The following MVB12B variants were observed in gnomAD, a reference collection of about 807,000 sequenced individuals.
The protein encoded by MVB12B is ESCRT-I complex subunit MVB12B.
MVB12B carries 16 observed loss-of-function variants against 41.6 expected under a neutral mutation model. The observed-to-expected ratio is 0.38, with a 90% CI of 0.26 to 0.58. The LOEUF is 0.58. Among genes scored for constraint, MVB12B ranks in the 20% least tolerant of loss-of-function variants. The pLI, the probability that MVB12B is intolerant of heterozygous loss-of-function variation, is 0.62. For missense variants in MVB12B, 274 were observed against 380.2 expected, an observed-to-expected ratio of 0.72 and a Z score of 2.32; for synonymous variants, 133 against 139.7, an observed-to-expected ratio of 0.95 and a Z score of 0.34.
chr9:126,439,762 T>C (rs1832584854), intron 7 of MVB12B, among the ~76,000 whole-genome samples: 1 of 152,208 alleles, frequency 6.6e-6, no homozygotes, highest in East Asian at 1.9e-4. Flanking sequence ...ATTAAAAATA[T>C]TTGTTCTAAT....
chr9:126,474,118 G>A (rs895414386), intron 7 of MVB12B, among the ~76,000 whole-genome samples: 3 of 152,198 alleles, frequency 2.0e-5, no homozygotes, highest in Non-Finnish European at 2.9e-5. Context: ...GTCAGGCAGC[G>A]TGGGGGGATG....
intron 7 of MVB12B, among the ~76,000 whole-genome samples, chr9:126,432,364 A>G (rs997721958): frequency 1.3e-5 from 2 of 152,218 alleles, no homozygotes; most frequent in Non-Finnish European, 2.9e-5. Flanking sequence ...GTGTGACCAG[A>G]CACTCCTGCC....
chr9:126,437,858 G>A (rs1268165894), intron 7 of MVB12B, among the ~76,000 whole-genome samples: 1 of 152,064 alleles, frequency 6.6e-6, no homozygotes, highest in Non-Finnish European at 1.5e-5. Flanking sequence ...TTTTTGTGAT[G>A]GAGTTTGGAG....
intron 1 of MVB12B, among the ~76,000 whole-genome samples, chr9:126,337,219 C>A (rs1160709461): frequency 6.6e-6 from 1 of 152,172 alleles, no homozygotes; most frequent in Non-Finnish European, 1.5e-5. Flanking sequence ...TGGAGCCCCT[C>A]TGAGCTGTCG....
chr9:126,396,375 T>C (rs918808004), intron 6 of MVB12B: 17 of 985,372 alleles, frequency 1.7e-5, no homozygotes, highest in Non-Finnish European at 1.8e-5. Flanking sequence ...CAAACAGCAC[T>C]GATGGATTAA....
intron 7 of MVB12B, among the ~76,000 whole-genome samples, chr9:126,475,601 T>C (rs1833404220): frequency 6.6e-6 from 1 of 152,222 alleles, no homozygotes; most frequent in Non-Finnish European, 1.5e-5. Flanking sequence ...TGCTTCTCTT[T>C]GGAGCCTCCC....
intron 6 of MVB12B, among the ~76,000 whole-genome samples, chr9:126,403,590 A>C (rs1234470378): frequency 6.6e-6 from 1 of 152,210 alleles, no homozygotes; most frequent in African/African-American, 2.4e-5. Context: ...TTTCTCCTTT[A>C]AAGCCTCAAA....
At chr9:126,360,309 A>C (rs1336923143) in intron 2 of MVB12B, among the ~76,000 whole-genome samples, 1 of 152,204 alleles carries the variant, frequency 6.6e-6, no homozygotes, top group African/African-American at 2.4e-5. Flanking sequence ...TGAGTCAGCA[A>C]ACTTTTCTGT....
Position 126,481,347 on chromosome 9 carries a change from CTTTT to C in MVB12B, c.758-16_758-13del, listed in dbSNP as rs755046090. ...CCATCTTCAATACCTTTAATGCCAT[CTTTT>C]TTTTTCTTCTTTTGCAGCAATGGAT... On this transcript the variant is annotated intron_variant, in intron 7 of 9. Coordinates refer to ENST00000361171, the MANE Select transcript of MVB12B (RefSeq NM_033446.3). The C allele has an allele frequency of 6.3e-7, 1 of 1,586,604 alleles. No homozygotes were observed. Among genetic ancestry groups the C allele is most frequent in the Non-Finnish European group, 8.6e-7 (1 of 1,158,042 alleles).
chr9:126,424,883 G>T (rs1385979662), intron 7 of MVB12B, among the ~76,000 whole-genome samples: 1 of 152,188 alleles, frequency 6.6e-6, no homozygotes, highest in East Asian at 1.9e-4. Context: ...TATCCACAAG[G>T]ATAAGCACCG....
In MVB12B at chr9:126,483,990, C is replaced by G. The variant is rs781213387; in HGVS notation, c.831C>G (p.Leu277=). The stretch of plus-strand genomic sequence containing the variant: ...GTTTTCAGATGCAGCCCTTTGATCT[C>G]CTGGGAATCACCATCAAATCTCTAG... The part of the protein sequence containing the change: ...CVPESMQPFD[L]LGITIKSLAE... The change falls in exon 9 of 10, where the codon CTC becomes CTG. Residue 277 remains leucine, a synonymous_variant. Transcript: ENST00000361171. 1.2e-6 allele frequency: 2 copies of G among 1,614,090 alleles called. No individual in the cohort carries two copies. Among genetic ancestry groups the G allele is most frequent in the Non-Finnish European group, 1.7e-6 (2 of 1,180,016 alleles).
chr9:126,396,548 C>G lies in MVB12B; in HGVS notation c.662+851C>G, dbSNP rs1007153537. ...CCGGACAGAAGAGTCACCAGTAGGT[C>G]TTCCTGGGCCATCCACAATACAGCC... On this transcript the variant is annotated intron_variant, in intron 6 of 9. Coordinates refer to ENST00000361171, the MANE Select transcript of MVB12B (RefSeq NM_033446.3). The G allele has an allele frequency of 8.1e-6, 8 of 985,388 alleles. No homozygotes were observed. In the African/African-American group the frequency reaches 1.4e-4, roughly 17 times the overall value. 61.0% of individuals were successfully genotyped at this position (985,388 alleles called of 1,614,324 possible).
intron 9 of MVB12B, among the ~76,000 whole-genome samples, chr9:126,490,682 T>C (rs941615658): frequency 1.3e-5 from 2 of 152,226 alleles, no homozygotes; most frequent in Admixed American, 6.5e-5. Flanking sequence ...AATCACCCGC[T>C]TAAAATTGAC....
At chr9:126,416,441 G>A (rs1028657918) in intron 6 of MVB12B, among the ~76,000 whole-genome samples, 3 of 152,240 alleles carry the variant, frequency 2.0e-5, no homozygotes, top group East Asian at 1.9e-4. Flanking sequence ...GTGTGCGATC[G>A]GGCCATTGGT....
intron 7 of MVB12B, among the ~76,000 whole-genome samples, chr9:126,441,427 T>C (rs941307359): frequency 3.9e-5 from 6 of 152,236 alleles, no homozygotes; most frequent in African/African-American, 1.2e-4. Context: ...TGTCCTAAAA[T>C]AAGACTAGCA....
At chr9:126,365,126 T>C (rs1470009258) in intron 2 of MVB12B, among the ~76,000 whole-genome samples, 9 of 151,080 alleles carry the variant, frequency 6.0e-5, no homozygotes, top group Admixed American at 5.3e-4. Flanking sequence ...CAATCTTGGC[T>C]CACTGCAACC....
intron 9 of MVB12B, among the ~76,000 whole-genome samples, chr9:126,499,902 G>A (rs1165983764): frequency 1.3e-5 from 2 of 149,906 alleles, no homozygotes; most frequent in African/African-American, 2.5e-5. Context: ...AGCCCAGCCC[G>A]GAGGGCCCAG....
At position 126,459,793 on chromosome 9, in the gene MVB12B, C is replaced by G. The variant is rs932819922; in HGVS notation, c.758-21576C>G. 6.6e-6 allele frequency among the ~76,000 whole-genome samples: 1 copy of G among 152,150 alleles called. No individual in the cohort carries two copies. The highest frequency in any genetic ancestry group is 2.4e-5 in the African/African-American group (1 of 41,442). On this transcript the variant is annotated intron_variant, in intron 7 of 9. Coordinates refer to ENST00000361171, the MANE Select transcript of MVB12B (RefSeq NM_033446.3). The surrounding 1 kb of genome is among the most constrained non-coding windows in gnomAD (Gnocchi z 4.3). ...CTGCCCCGCTCACTTGGACCTGCCA[C>G]TCTCCCACAGGGGCCGCTTGTCTCA...
At chr9:126,418,983 C>T (rs1450044134) in intron 6 of MVB12B, among the ~76,000 whole-genome samples, 2 of 152,174 alleles carry the variant, frequency 1.3e-5, no homozygotes, top group Admixed American at 6.5e-5. Flanking sequence ...GAGTCCCCCA[C>T]AGATCTGTAT....
Sources: allele counts gnomAD v4.1 joint callset (sites outside exome capture counted in the v4.1 genomes callset), GRCh38; gene constraint gnomAD v4.1.1; non-coding constraint Gnocchi (gnomAD v3.1); transcripts MANE v1.5; gene names NCBI Gene and HGNC (gene_info 2026-07-23, HGNC 2026-07-21).